The following UTS2 variants were observed in gnomAD, a reference collection of about 807,000 sequenced individuals.
The protein encoded by UTS2 is urotensin-2.
In UTS2, 10 loss-of-function variants were observed where a neutral mutation model predicts 12.6. That is an observed-to-expected ratio of 0.80 (90% CI 0.49 to 1.35). The LOEUF (loss-of-function observed/expected upper bound fraction) is 1.35. Ranked by LOEUF, UTS2 falls within the 40% of genes most tolerant of loss-of-function variation. The pLI is 0.00. For synonymous variants in UTS2, 52 were observed against 50.0 expected (o/e 1.04, Z -0.17); for missense variants, 142 against 143.2 (o/e 0.99, Z 0.04).
the UTS2 span, among the ~76,000 whole-genome samples, chr1:7,910,886 G>A: frequency 6.6e-6 from 1 of 152,274 alleles, no homozygotes; most frequent in South Asian, 2.1e-4. Flanking sequence ...ACAGGCGTGA[G>A]CCACTACGCC....
intron 1 of UTS2, among the ~76,000 whole-genome samples, chr1:7,852,349 C>G (rs1233666894): frequency 2.6e-5 from 4 of 152,054 alleles, no homozygotes; most frequent in Non-Finnish European, 5.9e-5. Context: ...TAGACTTAAA[C>G]TGAATTAACA....
chr1:7,911,996 G>A, the UTS2 span, among the ~76,000 whole-genome samples: 1 of 151,898 alleles, frequency 6.6e-6, no homozygotes, highest in Non-Finnish European at 1.5e-5. Context: ...AAATCTTTAA[G>A]AACTATCATC....
At chr1:7,875,765 G>C in the UTS2 span, among the ~76,000 whole-genome samples, 1 of 152,096 alleles carries the variant, frequency 6.6e-6, no homozygotes, top group African/African-American at 2.4e-5. Context: ...CATCATTCAG[G>C]AACTTGAGAA....
At chr1:7,849,775 T>C in intron 2 of UTS2, 92 bp from the exon 3 acceptor site, 1 of 1,180,318 alleles carries the variant, frequency 8.5e-7, no homozygotes, top group Non-Finnish European at 1.2e-6. Flanking sequence ...CTAAATTATG[T>C]CTAGTTTCTG....
chr1:7,884,197 C>T, the UTS2 span, among the ~76,000 whole-genome samples: 2,226 of 152,068 alleles, frequency 0.015, 34 homozygotes, highest in Non-Finnish European at 0.021. Flanking sequence ...TCTTTATCAC[C>T]GGGAACACAA....
the UTS2 span, among the ~76,000 whole-genome samples, chr1:7,888,717 A>G: frequency 0.013 from 1,946 of 152,334 alleles, 52 homozygotes; most frequent in African/African-American, 0.044. Flanking sequence ...TGACAAACCC[A>G]GTTGTGTCCA....
At chr1:7,858,844 A>G in the UTS2 span, among the ~76,000 whole-genome samples, 22,176 of 152,206 alleles carry the variant, frequency 0.15, 1,917 homozygotes, top group Non-Finnish European at 0.18. Flanking sequence ...TCAGCCTCCT[A>G]TAGTGATGGG....
At chr1:7,863,864 A>G in the UTS2 span, among the ~76,000 whole-genome samples, 2 of 152,152 alleles carry the variant, frequency 1.3e-5, no homozygotes, top group Admixed American at 1.3e-4. Context: ...GCCCAGGGTC[A>G]CTCATGTGGC....
the UTS2 span, among the ~76,000 whole-genome samples, chr1:7,859,116 T>C: frequency 1.6e-3 from 250 of 152,314 alleles, 2 homozygotes; most frequent in African/African-American, 5.7e-3. Flanking sequence ...TGAGGATACC[T>C]GAAACCAGGG....
the UTS2 span, among the ~76,000 whole-genome samples, chr1:7,861,388 G>A: frequency 6.6e-6 from 1 of 152,108 alleles, no homozygotes; most frequent in South Asian, 2.1e-4. Flanking sequence ...TGGAAGTCTG[G>A]TTGGGGTGGG....
At chr1:7,894,921 AC>A in the UTS2 span, among the ~76,000 whole-genome samples, 2 of 151,846 alleles carry the variant, frequency 1.3e-5, no homozygotes, top group African/African-American at 4.8e-5. Context: ...AGAGAGCAAG[AC>A]CCTGTCTCAA....
chr1:7,851,302 G>A (rs2097413922), intron 1 of UTS2, among the ~76,000 whole-genome samples: 3 of 146,010 alleles, frequency 2.1e-5, no homozygotes, highest in African/African-American at 7.6e-5. Context: ...ATATTTGGGT[G>A]GTGACATTGG....
the UTS2 span, among the ~76,000 whole-genome samples, chr1:7,905,917 G>T: frequency 3.3e-5 from 5 of 151,954 alleles, no homozygotes; most frequent in Non-Finnish European, 7.4e-5. Flanking sequence ...TGTCTTGCCG[G>T]GTGAGGGGTG....
At chr1:7,876,513 C>T in the UTS2 span, among the ~76,000 whole-genome samples, 1 of 152,162 alleles carries the variant, frequency 6.6e-6, no homozygotes, top group African/African-American at 2.4e-5. Flanking sequence ...CCCACTCACC[C>T]ACCTAGCCCA....
chr1:7,903,695 C>T, the UTS2 span, among the ~76,000 whole-genome samples: 1 of 151,972 alleles, frequency 6.6e-6, no homozygotes, highest in African/African-American at 2.4e-5. Flanking sequence ...GGCCTATTGT[C>T]TAATTTTTAA....
chr1:7,851,011 G>T, intron 1 of UTS2, 89 bp from the exon 2 acceptor site: 1 of 1,294,700 alleles, frequency 7.7e-7, no homozygotes, highest in South Asian at 1.2e-5. Flanking sequence ...ACCAGAGATA[G>T]GGAGATGAAC....
the UTS2 span, among the ~76,000 whole-genome samples, chr1:7,862,991 TTG>T: frequency 5.9e-4 from 11 of 18,648 alleles, no homozygotes; most frequent in South Asian, 1.7e-3. Context: ...TTGTGTTGTG[TTG>T]TATTGTATTG....
At chr1:7,857,100 A>AAAGGAAGGAAGGAAGG (rs754358229), upstream of UTS2, among the ~76,000 whole-genome samples, 3,536 of 64,172 alleles carry the variant, frequency 0.055, 239 homozygotes, top group South Asian at 0.11. Flanking sequence ...GGAAGGAAGA[A>AAAGGAAGGAAGGAAGG]AAGGAATGAA....
chr1:7,899,238 GAC>G, the UTS2 span, among the ~76,000 whole-genome samples: 1 of 152,168 alleles, frequency 6.6e-6, no homozygotes, highest in Non-Finnish European at 1.5e-5. Context: ...ATTTGCTGAA[GAC>G]ACAGATTCAA....
Sources: allele counts gnomAD v4.1 joint callset (sites outside exome capture counted in the v4.1 genomes callset), GRCh38; gene constraint gnomAD v4.1.1; transcripts MANE v1.5; gene names NCBI Gene and HGNC (gene_info 2026-07-23, HGNC 2026-07-21).